IL1RL2: variants seen among roughly 807,000 people sequenced by gnomAD.
The protein encoded by IL1RL2 is interleukin-1 receptor-like 2.
A neutral mutation model predicts 66.8 loss-of-function variants in IL1RL2; 68 were observed. The ratio of observed to expected loss-of-function variants is 1.02; its 90% confidence interval spans 0.84 to 1.25. The LOEUF is 1.25. IL1RL2 is among the 50% of genes most tolerant of loss of function. The pLI is 0.00. For synonymous variants in IL1RL2, 305 were observed against 264.6 expected (o/e 1.15, Z -1.48); for missense variants, 729 against 709.3 (o/e 1.03, Z -0.32).
At chr2:102,226,331 C>T (rs992342094) in intron 9 of IL1RL2, among the ~76,000 whole-genome samples, 61 of 152,190 alleles carry the variant, frequency 4.0e-4, no homozygotes, top group Non-Finnish European at 7.3e-5. Context: ...TTTCCACGTC[C>T]ATCCTCCGTC....
intron 7 of IL1RL2, among the ~76,000 whole-genome samples, chr2:102,219,557 G>A (rs1217681142): frequency 6.6e-6 from 1 of 152,178 alleles, no homozygotes; most frequent in East Asian, 1.9e-4. Flanking sequence ...AACTAATGAA[G>A]TCAGAGGGCA....
At chr2:102,199,296 T>A (rs367624692) in intron 4 of IL1RL2, among the ~76,000 whole-genome samples, 14 of 152,226 alleles carry the variant, frequency 9.2e-5, no homozygotes, top group African/African-American at 3.4e-4. Flanking sequence ...ATTGTCTTAT[T>A]CTCTTGCTCA....
chr2:102,235,838 CT>C, intron 11 of IL1RL2: 1 of 985,468 alleles, frequency 1.0e-6, no homozygotes, highest in Non-Finnish European at 1.2e-6. Context: ...AGCCTTAGCA[CT>C]TTGCTTCCAG....
chr2:102,188,032 C>A, intron 2 of IL1RL2, 107 bp downstream of exon 2: 1 of 1,066,040 alleles, frequency 9.4e-7, no homozygotes, highest in Non-Finnish European at 1.5e-6. Context: ...CGGCTCCTTC[C>A]CCTCCCCAGA....
chr2:102,228,371 T>A (rs1291999874), intron 9 of IL1RL2, among the ~76,000 whole-genome samples: 1 of 152,192 alleles, frequency 6.6e-6, no homozygotes, highest in Non-Finnish European at 1.5e-5. Flanking sequence ...GGATAAGTCA[T>A]TTACCCTGAC....
Position 102,225,901 on chromosome 2 carries a change from C to T in IL1RL2, c.995C>T (p.Pro332Leu), listed in dbSNP as rs745947339. ...TAYIILQLPA[P>L]DFRAYLIGGL... ...ATTTTTTTGCTGTCATTTGTAGCTC[C>T]GGATTTTCGAGCTTACTTGATAGGA... The change falls in exon 9 of 12, where the codon CCG (proline) becomes CTG (leucine). Residue 332 changes from proline (P) to leucine (L), a missense_variant. Pro to Leu is a moderately conservative substitution (Grantham distance 98). Coordinates refer to ENST00000264257, the MANE Select transcript of IL1RL2 (RefSeq NM_003854.4). 1.5e-5 allele frequency: 24 copies of T among 1,572,578 alleles called. No homozygotes were observed. The highest frequency in any genetic ancestry group is 2.7e-5 in the African/African-American group (2 of 73,050).
intron 4 of IL1RL2, among the ~76,000 whole-genome samples, chr2:102,193,353 A>G (rs1375595168): frequency 2.0e-5 from 3 of 152,204 alleles, no homozygotes; most frequent in Non-Finnish European, 2.9e-5. Flanking sequence ...TTGATGTTAC[A>G]CAAATTGCTT....
intron 4 of IL1RL2, among the ~76,000 whole-genome samples, chr2:102,196,819 T>C (rs1687826045): frequency 2.0e-5 from 3 of 152,124 alleles, no homozygotes; most frequent in South Asian, 4.1e-4. Context: ...AGGGCACATG[T>C]AGAAAGATGG....
chr2:102,227,084 T>C (rs1690685415), intron 9 of IL1RL2, among the ~76,000 whole-genome samples: 1 of 152,138 alleles, frequency 6.6e-6, no homozygotes, highest in African/African-American at 2.4e-5. Context: ...GCTACTTTTG[T>C]TTTGTTTTGT....
At chr2:102,229,709 A>C (rs1223564665) in intron 9 of IL1RL2, among the ~76,000 whole-genome samples, 1 of 152,246 alleles carries the variant, frequency 6.6e-6, no homozygotes, top group South Asian at 2.1e-4. Context: ...CTACGTTTTG[A>C]GAACATCAGC....
At chr2:102,193,079 CACTT>C (rs1687375505) in intron 4 of IL1RL2, among the ~76,000 whole-genome samples, 2 of 152,274 alleles carry the variant, frequency 1.3e-5, no homozygotes, top group East Asian at 3.9e-4. Flanking sequence ...CACACACACA[CACTT>C]ACTTGATTAG....
rs527536996 is a variant in IL1RL2, at chr2:102,187,583, G to T, written c.-12-273G>T. The stretch of plus-strand genomic sequence containing the variant: ...AGGTGGCAGAAGCAGCTCCCACGCG[G>T]TCCCCACCGCCGCCGCCGCCTACTC... On this transcript the variant is annotated intron_variant, in intron 1 of 11. Transcript: ENST00000264257. Among the ~76,000 whole-genome samples, 366 of 152,260 alleles carry T rather than the reference G, an allele frequency of 2.4e-3. 1 individual carries two copies. The highest frequency in any genetic ancestry group is 3.8e-3 in the Admixed American group (58 of 15,304).
chr2:102,221,199 C>T (rs1690096239), intron 8 of IL1RL2, among the ~76,000 whole-genome samples: 1 of 152,154 alleles, frequency 6.6e-6, no homozygotes, highest in Non-Finnish European at 1.5e-5. Flanking sequence ...TTCTCCATCA[C>T]TTTCCCCCAG....
chr2:102,217,993 A>C (rs961285206), intron 6 of IL1RL2, among the ~76,000 whole-genome samples: 1 of 152,216 alleles, frequency 6.6e-6, no homozygotes, highest in Non-Finnish European at 1.5e-5. Flanking sequence ...TGAAAACATA[A>C]TCTACAGAAT....
chr2:102,233,027 C>G lies in IL1RL2; in HGVS notation c.1200C>G (p.Ala400=). Residue 400 remains alanine (A), a synonymous_variant, in exon 10 of 12, where the codon GCC becomes GCG. Coordinates refer to ENST00000264257, the MANE Select transcript of IL1RL2 (RefSeq NM_003854.4). ...CCCACAAGGAAAGCCAGAGGCATGC[C>G]GTGGATGCCCTGGTGTTGAATATCC... ...PKPHKESQRH[A]VDALVLNILP... is the part of the protein sequence containing the mutation. 3.1e-6 allele frequency: 5 copies of G among 1,614,030 alleles called. No homozygotes were observed. The highest frequency in any genetic ancestry group is 4.2e-6 in the Non-Finnish European group (5 of 1,179,942).
At chr2:102,223,859 T>G (rs34722443) in intron 8 of IL1RL2, among the ~76,000 whole-genome samples, 9,216 of 152,132 alleles carry the variant, frequency 0.061, 353 homozygotes, top group Non-Finnish European at 0.069. Flanking sequence ...GAGTAGAGGA[T>G]GAGGAAGCAG....
chr2:102,228,205 G>C (rs546117956), intron 9 of IL1RL2, among the ~76,000 whole-genome samples: 4 of 152,286 alleles, frequency 2.6e-5, no homozygotes, highest in Admixed American at 2.0e-4. Context: ...TAATATCTCT[G>C]TGTGTTGGCT....
downstream of IL1RL2, among the ~76,000 whole-genome samples, chr2:102,242,660 G>A (rs968318887): frequency 6.6e-6 from 1 of 152,076 alleles, no homozygotes; most frequent in Non-Finnish European, 1.5e-5. Context: ...TTTGGATGAT[G>A]CCCACCTGCT....
intron 8 of IL1RL2, among the ~76,000 whole-genome samples, chr2:102,224,068 C>T (rs1041664034): frequency 1.3e-5 from 2 of 152,164 alleles, no homozygotes; most frequent in African/African-American, 4.8e-5. Flanking sequence ...AAATCTTGGG[C>T]CTCAAGATGT....
Sources: allele counts gnomAD v4.1 joint callset (sites outside exome capture counted in the v4.1 genomes callset), GRCh38; gene constraint gnomAD v4.1.1; transcripts MANE v1.5; gene names NCBI Gene and HGNC (gene_info 2026-07-23, HGNC 2026-07-21).